PTPRD: variants seen among roughly 807,000 people sequenced by gnomAD.
PTPRD encodes the protein receptor-type tyrosine-protein phosphatase delta.
A neutral mutation model predicts 214.5 loss-of-function variants in PTPRD; 34 were observed. That is an observed-to-expected ratio of 0.16 (90% confidence interval 0.12 to 0.21). PTPRD has a LOEUF of 0.21. PTPRD is among the 10% of genes least tolerant of loss of function. PTPRD has a pLI of 1.00. For missense variants in PTPRD, 2,545 were observed against 2,398.7 expected, an observed-to-expected ratio of 1.06 and a Z score of -1.27; for synonymous variants, 1,128 against 845.7, an observed-to-expected ratio of 1.33 and a Z score of -5.79.
rs2099939410 is a variant in PTPRD, at chr9:9,197,676, GCT to G, written c.-202-14315_-202-14314del. Among the ~76,000 whole-genome samples the G allele has an allele frequency of 2.8e-4, 43 of 152,140 alleles. 1 individual carries two copies. ...TCTGCCCGCCACGGCCTCCCAAAGT[GCT>G]GGGATTACAGGCATGAGCCACCATG... is the stretch of plus-strand genomic sequence containing the variant. On this transcript the variant is annotated intron_variant, in intron 9 of 45. Coordinates refer to ENST00000381196, the MANE Select transcript of PTPRD (RefSeq NM_002839.4).
chr9:9,494,175 C>G (rs1483077191), intron 8 of PTPRD, among the ~76,000 whole-genome samples: 3 of 152,082 alleles, frequency 2.0e-5, no homozygotes, highest in African/African-American at 4.8e-5. Flanking sequence ...TATAAGTGAG[C>G]AAAAGAATGT....
At chr9:9,192,521 C>T (rs1425247100) in intron 9 of PTPRD, among the ~76,000 whole-genome samples, 4 of 152,050 alleles carry the variant, frequency 2.6e-5, no homozygotes, top group Non-Finnish European at 5.9e-5. Context: ...ACTGCATTTT[C>T]TGTGGAAGCA....
chr9:10,600,523 T>C (rs2077700864), intron 2 of PTPRD, among the ~76,000 whole-genome samples: 1 of 151,742 alleles, frequency 6.6e-6, no homozygotes, highest in Non-Finnish European at 1.5e-5. Context: ...ACAAAGTACA[T>C]GTCTACAGAG....
chr9:9,016,541 T>C (rs1336169938), intron 11 of PTPRD, among the ~76,000 whole-genome samples: 2 of 152,134 alleles, frequency 1.3e-5, no homozygotes, highest in African/African-American at 4.8e-5. Context: ...GTCCTAGTTT[T>C]ATTCCATTAG....
intron 12 of PTPRD, among the ~76,000 whole-genome samples, chr9:8,699,246 G>C (rs2098013324): frequency 6.6e-6 from 1 of 152,124 alleles, no homozygotes; most frequent in Non-Finnish European, 1.5e-5. Context: ...ATGCTAAACA[G>C]TTGCTCTGGC....
chr9:9,657,352 AG>A (rs1564363243), intron 7 of PTPRD, among the ~76,000 whole-genome samples: 2 of 152,184 alleles, frequency 1.3e-5, no homozygotes, highest in Admixed American at 6.5e-5. Context: ...TTACACAAGA[AG>A]AAAAAAACAA....
chr9:8,920,959 G>A (rs1259819925), intron 11 of PTPRD, among the ~76,000 whole-genome samples: 1 of 152,066 alleles, frequency 6.6e-6, no homozygotes, highest in Admixed American at 6.6e-5. Flanking sequence ...GATTACAGAC[G>A]CACGCCCCCA....
intron 10 of PTPRD, among the ~76,000 whole-genome samples, chr9:9,030,276 C>CTTTTTTTTTTTTTTT (rs71317396): frequency 7.9e-5 from 3 of 37,928 alleles, no homozygotes; most frequent in African/African-American, 2.2e-4. Flanking sequence ...CACACTTGGG[C>CTTTTTTTTTTTTTTT]TTTTTTTTTT....
intron 11 of PTPRD, among the ~76,000 whole-genome samples, chr9:8,976,469 G>C (rs1339961293): frequency 6.6e-6 from 1 of 151,962 alleles, no homozygotes; most frequent in East Asian, 1.9e-4. Flanking sequence ...GTCCATTTTA[G>C]CAACTCTTCT....
At chr9:9,654,667 T>G (rs1362969610) in intron 7 of PTPRD, among the ~76,000 whole-genome samples, 1 of 152,226 alleles carries the variant, frequency 6.6e-6, no homozygotes, top group Non-Finnish European at 1.5e-5. Flanking sequence ...TTTTCTGTCC[T>G]CAGGTTAAAA....
chr9:9,552,267 G>A (rs995754265), intron 8 of PTPRD, among the ~76,000 whole-genome samples: 3 of 151,976 alleles, frequency 2.0e-5, no homozygotes, highest in Admixed American at 6.6e-5. Flanking sequence ...AGTACATAAA[G>A]AGTATTGAAG....
chr9:9,706,276 A>C (rs1029586924), intron 7 of PTPRD, among the ~76,000 whole-genome samples: 3 of 152,138 alleles, frequency 2.0e-5, no homozygotes, highest in Non-Finnish European at 4.4e-5. Context: ...AAATTCTCCT[A>C]AACAATTATT....
chr9:8,995,749 T>C (rs1370881185), intron 11 of PTPRD, among the ~76,000 whole-genome samples: 1 of 151,524 alleles, frequency 6.6e-6, no homozygotes, highest in Non-Finnish European at 1.5e-5. Flanking sequence ...CAGTGTTATA[T>C]ACTGGTTCCT....
At chr9:8,409,324 C>T (rs936878700) in intron 35 of PTPRD, among the ~76,000 whole-genome samples, 3 of 152,132 alleles carry the variant, frequency 2.0e-5, no homozygotes, top group Non-Finnish European at 4.4e-5. Flanking sequence ...CATATTCTGG[C>T]CCTGGAGGCT....
At chr9:9,267,427 G>A (rs1386276107) in intron 9 of PTPRD, among the ~76,000 whole-genome samples, 2 of 151,160 alleles carry the variant, frequency 1.3e-5, no homozygotes, top group African/African-American at 4.8e-5. Flanking sequence ...TCTCATAAAA[G>A]AAAGGCCAAG....
intron 5 of PTPRD, among the ~76,000 whole-genome samples, chr9:9,907,538 T>C (rs1175646526): frequency 2.0e-5 from 3 of 151,966 alleles, no homozygotes; most frequent in Non-Finnish European, 4.4e-5. Context: ...TCTATTCTTC[T>C]TCTTCTAAGG....
At chr9:9,655,400 T>C (rs2154375804) in intron 7 of PTPRD, among the ~76,000 whole-genome samples, 2 of 152,000 alleles carry the variant, frequency 1.3e-5, no homozygotes, top group South Asian at 2.1e-4. Context: ...TGAAACCCCG[T>C]CTGTACTAAA....
chr9:9,391,270 C>T (rs2065752079), intron 9 of PTPRD, among the ~76,000 whole-genome samples: 1 of 152,092 alleles, frequency 6.6e-6, no homozygotes, highest in Non-Finnish European at 1.5e-5. Context: ...GTTTTCAAAA[C>T]TAGAGGCTAT....
chr9:9,521,071 A>G (rs2096959604), intron 8 of PTPRD, among the ~76,000 whole-genome samples: 1 of 152,118 alleles, frequency 6.6e-6, no homozygotes, highest in Admixed American at 6.6e-5. Context: ...CAAAGCCCCT[A>G]ATCTTTTGTT....
Sources: allele counts gnomAD v4.1 joint callset (sites outside exome capture counted in the v4.1 genomes callset), GRCh38; gene constraint gnomAD v4.1.1; transcripts MANE v1.5; gene names NCBI Gene and HGNC (gene_info 2026-07-23, HGNC 2026-07-21).